Variants in ZNF679 observed in about 807,000 individuals in gnomAD.
ZNF679 encodes zinc finger protein 679, also known as hypothetical protein MGC42415.
ZNF679 carries 10 observed loss-of-function variants against 13.4 expected under a neutral mutation model. The ratio of observed to expected loss-of-function variants is 0.75; its 90% CI spans 0.46 to 1.27. The LOEUF (loss-of-function observed/expected upper bound fraction) is 1.27. ZNF679 is among the 50% of genes most tolerant of loss of function. ZNF679 has a pLI of 0.00. For missense variants in ZNF679, 525 were observed against 477.8 expected (o/e 1.10, Z -0.92); for synonymous variants, 179 against 162.5 (o/e 1.10, Z -0.77).
chr7:64,242,957 G>T (rs930242914), intron 1 of ZNF679, among the ~76,000 whole-genome samples: 1 of 152,112 alleles, frequency 6.6e-6, no homozygotes, highest in South Asian at 2.1e-4. Context: ...TATTCTAACT[G>T]TGTATTGTGT....
chr7:64,253,386 T>C (rs1055089743), intron 2 of ZNF679, among the ~76,000 whole-genome samples: 6 of 152,138 alleles, frequency 3.9e-5, no homozygotes, highest in South Asian at 2.1e-4. Flanking sequence ...CAGTTCTTTC[T>C]AGGGAGCCTC....
rs1470113153 is a variant in ZNF679, at chr7:64,266,637, G to A, written c.1004G>A (p.Cys335Tyr). 1 of 1,609,996 alleles carries A rather than the reference G, an allele frequency of 6.2e-7. No homozygotes were observed. The highest frequency in any genetic ancestry group is 1.3e-5 in the African/African-American group (1 of 74,732). Residue 335 changes from cysteine to tyrosine, a missense_variant, in exon 5 of 5, where the codon TGC becomes TAC. By Grantham distance (194) the Cys-to-Tyr change is radical. Transcript: ENST00000421025. ...TCEECGKAFN[C>Y]SSTLKKHKII... is the part of the protein sequence containing the mutation. Reference sequence around the variant, plus strand: ...GAAGAATGTGGCAAAGCCTTTAACTGCTCCTCAACCCTTAAGAAACATAAG... The same window carrying A: ...GAAGAATGTGGCAAAGCCTTTAACTACTCCTCAACCCTTAAGAAACATAAG...
intron 4 of ZNF679, among the ~76,000 whole-genome samples, chr7:64,264,965 G>A (rs1400795790): frequency 6.6e-6 from 1 of 150,956 alleles, no homozygotes; most frequent in Non-Finnish European, 1.5e-5. Context: ...CAAGCCTATT[G>A]TTGATATTCT....
chr7:64,253,448 C>T (rs895604550), intron 2 of ZNF679, among the ~76,000 whole-genome samples: 2 of 152,120 alleles, frequency 1.3e-5, no homozygotes, highest in Non-Finnish European at 2.9e-5. Context: ...AGCCTTTATA[C>T]TGAGATGAGC....
Position 64,230,151 on chromosome 7 carries a change from A to G in ZNF679, c.-91+1499A>G, listed in dbSNP as rs554185133. 2.6e-5 allele frequency among the ~76,000 whole-genome samples: 4 copies of G among 152,276 alleles called. No individual in the cohort carries two copies. The East Asian group carries it at 7.7e-4, about 29-fold the overall frequency. On this transcript the variant is annotated intron_variant, in intron 1 of 4. Coordinates refer to ENST00000421025, the MANE Select transcript of ZNF679 (RefSeq NM_153363.3). ...GTGATGGGTCTAAAAATATACTATGATTTCCCCTGTGGGCCACACTCAGGC... is the reference window on the plus strand; with the variant it reads ...GTGATGGGTCTAAAAATATACTATGGTTTCCCCTGTGGGCCACACTCAGGC...
intron 1 of ZNF679, among the ~76,000 whole-genome samples, chr7:64,245,941 G>A (rs1406442510): frequency 6.6e-6 from 1 of 152,180 alleles, no homozygotes; most frequent in African/African-American, 2.4e-5. Flanking sequence ...GGGAGGCAGA[G>A]GTTGCAGTGA....
intron 1 of ZNF679, among the ~76,000 whole-genome samples, chr7:64,246,293 T>A (rs532648867): frequency 6.6e-6 from 1 of 152,324 alleles, no homozygotes; most frequent in Non-Finnish European, 1.5e-5. Flanking sequence ...TACAAAAAGT[T>A]AGCCAATTGG....
At chr7:64,234,373 AG>A (rs1231836586) in intron 1 of ZNF679, among the ~76,000 whole-genome samples, 1 of 152,178 alleles carries the variant, frequency 6.6e-6, no homozygotes, top group African/African-American at 2.4e-5. Context: ...GCAGCAGAGG[AG>A]GAAGTCAGAG....
chr7:64,240,082 T>C (rs1787777667), intron 1 of ZNF679, among the ~76,000 whole-genome samples: 1 of 152,188 alleles, frequency 6.6e-6, no homozygotes, highest in African/African-American at 2.4e-5. Flanking sequence ...CTGTACTGTG[T>C]TGGCCCTGTG....
At chr7:64,263,647 G>C (rs55654798) in intron 4 of ZNF679, among the ~76,000 whole-genome samples, 46,350 of 151,992 alleles carry the variant, frequency 0.3, 8,288 homozygotes, top group East Asian at 0.65. Flanking sequence ...ATGAGAGCTG[G>C]TTGCTTAAAG....
chr7:64,240,403 T>G (rs1161984060), intron 1 of ZNF679, among the ~76,000 whole-genome samples: 3 of 152,220 alleles, frequency 2.0e-5, no homozygotes, highest in Non-Finnish European at 4.4e-5. Flanking sequence ...AGATTTTAAC[T>G]CTGATATCTA....
chr7:64,236,935 AAGAAAGAAAGAAAGAAAGAAAGAAAG>A (rs1562840216), intron 1 of ZNF679, among the ~76,000 whole-genome samples: 7 of 43,528 alleles, frequency 1.6e-4, no homozygotes, highest in African/African-American at 9.0e-4. Context: ...GAAAGAAAGA[AAGAAAGAAAGAAAGAAAGAAAGAAAG>A]AAAGAAAGAA....
intron 1 of ZNF679, among the ~76,000 whole-genome samples, chr7:64,232,077 CA>C (rs1178900267): frequency 2.3e-4 from 35 of 152,158 alleles, no homozygotes; most frequent in Non-Finnish European, 1.5e-5. Context: ...AAGTTTTGTC[CA>C]AGAGCTGAGG....
At chr7:64,262,929 C>T (rs1405204194) in intron 4 of ZNF679, among the ~76,000 whole-genome samples, 1 of 152,044 alleles carries the variant, frequency 6.6e-6, no homozygotes, top group East Asian at 1.9e-4. Flanking sequence ...ACTATTTTGA[C>T]CCCTGAGCAA....
Position 64,266,042 on chromosome 7 carries a change from C to T in ZNF679, c.409C>T (p.Gln137Ter), listed in dbSNP as rs758602962. The T allele has an allele frequency of 1.2e-6, 2 of 1,613,168 alleles. No homozygotes were observed. Among genetic ancestry groups the T allele is most frequent in the East Asian group, 2.2e-5 (1 of 44,786 alleles). Residue 137 changes from glutamine (Q) to a stop codon, truncating the protein, a stop_gained, in exon 5 of 5, where the codon CAA becomes TAA. Transcript: ENST00000421025. LOFTEE classifies it low-confidence loss of function (END_TRUNC). ...TCKSMGECEV[Q>*]KGGCNEVNQC... ...TAAAAGCATGGGTGAGTGTGAGGTGCAAAAAGGAGGTTGTAATGAAGTTAA... is the reference window on the plus strand; with the variant it reads ...TAAAAGCATGGGTGAGTGTGAGGTGTAAAAAGGAGGTTGTAATGAAGTTAA...
chr7:64,243,233 G>A (rs2116520383), intron 1 of ZNF679, among the ~76,000 whole-genome samples: 1 of 152,274 alleles, frequency 6.6e-6, no homozygotes, highest in African/African-American at 2.4e-5. Context: ...CATTGGCTGG[G>A]TTTGCATACG....
chr7:64,260,372 T>A (rs763138092), intron 3 of ZNF679, 25 bp downstream of exon 3: 1 of 1,580,418 alleles, frequency 6.3e-7, no homozygotes, highest in South Asian at 1.2e-5. Flanking sequence ...AATACACAAT[T>A]CCTAATATAT....
Position 64,266,753 on chromosome 7 carries a change from C to A in ZNF679, c.1120C>A (p.His374Asn), listed in dbSNP as rs1488741793. 3.7e-6 allele frequency: 6 copies of A among 1,611,116 alleles called. No homozygotes were observed. The highest frequency in any genetic ancestry group is 5.1e-6 in the Non-Finnish European group (6 of 1,178,514). ...AACTCTTAATACTCATAAGAGGATT[C>A]ATACTGGAGAGGAACCCTACAAATG... Reference protein sequence around the residue: ...SSTLNTHKRIHTGEEPYKCEE... With the variant: ...SSTLNTHKRINTGEEPYKCEE... Residue 374 changes from histidine to asparagine, a missense_variant, in exon 5 of 5, where the codon CAT becomes AAT. Coordinates refer to ENST00000421025, the MANE Select transcript of ZNF679 (RefSeq NM_153363.3).
At chr7:64,234,490 A>G (rs767638262) in intron 1 of ZNF679, among the ~76,000 whole-genome samples, 32 of 152,304 alleles carry the variant, frequency 2.1e-4, no homozygotes, top group Admixed American at 4.6e-4. Flanking sequence ...AGCGGGTCCT[A>G]GCTAGCAGCG....
Sources: gnomAD v4.1 joint callset for allele counts (sites outside exome capture counted in the v4.1 genomes callset) on GRCh38, gnomAD v4.1.1 for gene constraint, MANE v1.5 for transcripts, NCBI Gene and HGNC (gene_info 2026-07-23, HGNC 2026-07-21) for gene names.